PIGU: variants seen among roughly 807,000 people sequenced by gnomAD.
PIGU encodes the protein phosphatidylinositol glycan anchor biosynthesis class U, also known as GPI-anchor transamidase component PIGU.
In PIGU, 24 loss-of-function variants were observed where a neutral mutation model predicts 49.9. That is an observed-to-expected ratio of 0.48 (90% CI 0.35 to 0.68). The LOEUF is 0.68. Among genes scored for constraint, PIGU ranks in the 30% least tolerant of loss-of-function variants. PIGU has a pLI of 0.01. For missense variants in PIGU, 490 were observed against 532.6 expected (o/e 0.92, Z 0.79); for synonymous variants, 220 against 205.7 (o/e 1.07, Z -0.59).
At chr20:34,613,043 G>A (rs1267803798) in intron 7 of PIGU, among the ~76,000 whole-genome samples, 1 of 152,064 alleles carries the variant, frequency 6.6e-6, no homozygotes, top group African/African-American at 2.4e-5. Flanking sequence ...GGATCCTGAA[G>A]TTCATCTCAA....
At chr20:34,604,965 A>C (rs1157659797) in intron 7 of PIGU, among the ~76,000 whole-genome samples, 1 of 152,092 alleles carries the variant, frequency 6.6e-6, no homozygotes, top group Admixed American at 6.5e-5. Context: ...AAGCAAAAGG[A>C]AGATGGGAAC....
chr20:34,645,429 G>C lies in PIGU; in HGVS notation c.196-95C>G. The C allele has an allele frequency of 2.2e-6, 3 of 1,381,586 alleles. No homozygotes were observed. The East Asian group carries it at 8.3e-5, about 38-fold the overall frequency. The allele number at this position is 1,381,586 out of a possible 1,614,324, so 85.6% of individuals were successfully genotyped here. On this transcript the variant is annotated intron_variant, in intron 2 of 11. Coordinates refer to ENST00000217446, the MANE Select transcript of PIGU (RefSeq NM_080476.5). ...GAGTGGGGAGAAAACTATTATGTCAGCAAACTATTATGCTAGTATTCTCCT... is the reference window on the plus strand; with the variant it reads ...GAGTGGGGAGAAAACTATTATGTCACCAAACTATTATGCTAGTATTCTCCT...
chr20:34,569,231 A>G (rs187473107), intron 11 of PIGU, among the ~76,000 whole-genome samples: 2 of 152,022 alleles, frequency 1.3e-5, no homozygotes, highest in Non-Finnish European at 2.9e-5. Flanking sequence ...AAATAAAATT[A>G]AAAAAAATTT....
intron 11 of PIGU, among the ~76,000 whole-genome samples, chr20:34,563,009 T>C (rs1265917349): frequency 1.3e-5 from 2 of 152,174 alleles, no homozygotes; most frequent in Non-Finnish European, 2.9e-5. Context: ...TGTCACACAA[T>C]AATCATCTGG....
At chr20:34,569,879 TG>T (rs907894153) in intron 11 of PIGU, among the ~76,000 whole-genome samples, 3 of 152,214 alleles carry the variant, frequency 2.0e-5, no homozygotes, top group Admixed American at 1.3e-4. Flanking sequence ...CTCGCCCTAA[TG>T]GAACCCACAG....
chr20:34,575,047 T>C (rs1983165978), intron 11 of PIGU, 57 bp downstream of exon 11: 5 of 1,598,132 alleles, frequency 3.1e-6, no homozygotes, highest in African/African-American at 2.7e-5. Context: ...CGTTGAATGC[T>C]TGAGGCTGCA....
intron 10 of PIGU, 36 bp from the exon 11 acceptor site, chr20:34,575,282 C>T (rs772604676): frequency 2.1e-5 from 33 of 1,603,240 alleles, no homozygotes; most frequent in Admixed American, 3.4e-5. Context: ...GCCTGACACG[C>T]TCTCTCTGGC....
intron 7 of PIGU, among the ~76,000 whole-genome samples, chr20:34,606,030 C>T (rs1431494530): frequency 4.6e-5 from 7 of 151,766 alleles, no homozygotes; most frequent in Admixed American, 3.3e-4. Flanking sequence ...CTGAGGCGGG[C>T]GGATCACAAG....
At position 34,578,962 on chromosome 20, in the gene PIGU, G is replaced by A. The variant is rs138120423; in HGVS notation, c.1051+2586C>T. On this transcript the variant is annotated intron_variant, in intron 10 of 11. Coordinates refer to ENST00000217446, the MANE Select transcript of PIGU (RefSeq NM_080476.5). ...TCTCTGGCACCATGATTGATGAACT[G>A]GAACTTCAGGCAAGCCACTTTCCCT... is the stretch of plus-strand genomic sequence containing the variant. 4 of 152,186 alleles carry A rather than the reference G, an allele frequency of 2.6e-5. No homozygotes were observed. In the East Asian group the frequency reaches 7.7e-4, roughly 29 times the overall value. The allele number at this position is 152,186 out of a possible 1,614,324, so 9.4% of individuals were successfully genotyped here. A position where few individuals can be genotyped will look rare whatever the true frequency, so the allele number is the denominator to read the frequency against.
chr20:34,637,737 G>T, intron 5 of PIGU, 139 bp downstream of exon 5: 9 of 1,490,504 alleles, frequency 6.0e-6, no homozygotes, highest in Non-Finnish European at 8.0e-6. Context: ...ACAGAGCCCA[G>T]TTGTGCAACA....
intron 2 of PIGU, among the ~76,000 whole-genome samples, chr20:34,646,611 G>T (rs559154887): frequency 5.7e-4 from 87 of 151,692 alleles, no homozygotes; most frequent in Non-Finnish European, 1.1e-3. Flanking sequence ...GTTTCACCAT[G>T]TTGGCCAGGC....
At chr20:34,608,532 T>G (rs980694300) in intron 7 of PIGU, among the ~76,000 whole-genome samples, 1 of 152,210 alleles carries the variant, frequency 6.6e-6, no homozygotes, top group African/African-American at 2.4e-5. Context: ...TTGCTTTTTT[T>G]TGTTGTTGTA....
rs1372486651 is a variant in PIGU, at chr20:34,675,898, G to A, written c.130+1058C>T. Among the ~76,000 whole-genome samples the A allele has an allele frequency of 1.3e-5, 2 of 152,056 alleles. 1 individual carries two copies. Among genetic ancestry groups the A allele is most frequent in the Admixed American group, 1.3e-4 (2 of 15,238 alleles). ...AACTTTAGCATTTAAAGGACACAAAGGGGACTTCTGGGGTGCTGATACTGT... is the reference window on the plus strand; with the variant it reads ...AACTTTAGCATTTAAAGGACACAAAAGGGACTTCTGGGGTGCTGATACTGT... On this transcript the variant is annotated intron_variant, in intron 1 of 11. Transcript: ENST00000217446.
intron 7 of PIGU, among the ~76,000 whole-genome samples, chr20:34,597,958 C>T (rs1984264468): frequency 6.6e-6 from 1 of 152,112 alleles, no homozygotes; most frequent in Non-Finnish European, 1.5e-5. Context: ...GTAATCCCAG[C>T]AATATGGGAG....
chr20:34,564,853 C>T (rs1030548498), intron 11 of PIGU, among the ~76,000 whole-genome samples: 11 of 152,118 alleles, frequency 7.2e-5, no homozygotes, highest in East Asian at 1.9e-4. Context: ...AAGGGGGTGG[C>T]GGGAAGAGCC....
chr20:34,666,652 G>C (rs949089851), intron 1 of PIGU, among the ~76,000 whole-genome samples: 29 of 150,066 alleles, frequency 1.9e-4, no homozygotes, highest in Non-Finnish European at 3.4e-4. Context: ...CACGTAGCTG[G>C]GACTACTGGA....
At chr20:34,666,525 AATTT>A (rs930108626) in intron 1 of PIGU, among the ~76,000 whole-genome samples, 11 of 145,928 alleles carry the variant, frequency 7.5e-5, no homozygotes, top group African/African-American at 2.0e-4. Flanking sequence ...TTAATTAATT[AATTT>A]ATTTATTTAT....
intron 11 of PIGU, among the ~76,000 whole-genome samples, chr20:34,573,812 C>T (rs910336143): frequency 6.6e-6 from 1 of 152,278 alleles, no homozygotes; most frequent in Non-Finnish European, 1.5e-5. Flanking sequence ...CAGAACAGGC[C>T]CTCCGGCTGG....
At position 34,613,010 on chromosome 20, in the gene PIGU, G is replaced by C. The variant is rs141088399; in HGVS notation, c.627+3032C>G. On this transcript the variant is annotated intron_variant, in intron 7 of 11. Transcript: ENST00000217446. ...AAATATACAAATATAGTAGGAAATG[G>C]AGTTTTAATTTCTGCATAAATGGGA... 1.9e-4 allele frequency among the ~76,000 whole-genome samples: 29 copies of C among 152,190 alleles called. No individual in the cohort carries two copies. In the East Asian group the frequency reaches 5.0e-3, roughly 26 times the overall value.
Sources: gnomAD v4.1 joint callset for allele counts (sites outside exome capture counted in the v4.1 genomes callset) on GRCh38, gnomAD v4.1.1 for gene constraint, MANE v1.5 for transcripts, NCBI Gene and HGNC (gene_info 2026-07-23, HGNC 2026-07-21) for gene names.